NSUN7: variants seen among roughly 807,000 people sequenced by gnomAD.
NSUN7 encodes the protein NOP2/Sun RNA methyltransferase family member 7, also known as protein NSUN7.
A neutral mutation model predicts 58.5 loss-of-function variants in NSUN7; 39 were observed. That is an observed-to-expected ratio of 0.67 (90% CI 0.52 to 0.87). NSUN7 has a LOEUF of 0.87. Ranked by LOEUF, NSUN7 falls within the 40% of genes least tolerant of loss-of-function variation. The pLI, the probability that NSUN7 is intolerant of heterozygous loss-of-function variation, is 0.00. For missense variants in NSUN7, 765 were observed against 844.1 expected, an observed-to-expected ratio of 0.91 and a Z score of 1.16; for synonymous variants, 278 against 303.7, an observed-to-expected ratio of 0.92 and a Z score of 0.88.
At chr4:40,777,725 C>A (rs1247402323) in intron 7 of NSUN7, among the ~76,000 whole-genome samples, 1 of 152,176 alleles carries the variant, frequency 6.6e-6, no homozygotes, top group Non-Finnish European at 1.5e-5. Flanking sequence ...TAGAAGCAGA[C>A]CCACAGTGTA....
chr4:40,805,338 C>T (rs954851359), intron 10 of NSUN7, among the ~76,000 whole-genome samples: 7 of 152,126 alleles, frequency 4.6e-5, no homozygotes, highest in Admixed American at 6.5e-5. Context: ...CTGAGGTCCT[C>T]GTCTCCTTGC....
chr4:40,780,826 T>C (rs1742526088), intron 7 of NSUN7, among the ~76,000 whole-genome samples: 1 of 126,442 alleles, frequency 7.9e-6, no homozygotes, highest in Admixed American at 7.9e-5. Flanking sequence ...TTTTTTTTTT[T>C]TTTTTTTTTT....
chr4:40,756,864 T>C (rs964242191), intron 2 of NSUN7, among the ~76,000 whole-genome samples: 1 of 152,190 alleles, frequency 6.6e-6, no homozygotes, highest in African/African-American at 2.4e-5. Context: ...ACACATTCAG[T>C]AGAAACCATA....
intron 11 of NSUN7, 106 bp downstream of exon 11, chr4:40,807,290 C>A: frequency 2.0e-6 from 2 of 1,018,160 alleles, no homozygotes; most frequent in South Asian, 1.7e-5. Flanking sequence ...GATGTGTTTG[C>A]ATTTCACAAA....
Position 40,809,709 on chromosome 4 carries a change from T to C in NSUN7, c.*770T>C, listed in dbSNP as rs1334498848. Reference sequence around the variant, plus strand: ...ACTGTTGAATGCAAGCGATACCTATTGTTGAAGAAACCCACAAATTTCTGA... The same window carrying C: ...ACTGTTGAATGCAAGCGATACCTATCGTTGAAGAAACCCACAAATTTCTGA... On this transcript the variant is annotated 3_prime_UTR_variant, in exon 12 of 12. Coordinates refer to ENST00000381782, the MANE Select transcript of NSUN7 (RefSeq NM_024677.6). 1 of 145,686 alleles carries C rather than the reference T, an allele frequency of 6.9e-6. No individual in the cohort carries two copies. The highest frequency in any genetic ancestry group is 2.4e-5 in the African/African-American group (1 of 41,030). 9.0% of individuals were successfully genotyped at this position (145,686 alleles called of 1,614,324 possible).
At chr4:40,754,021 G>A (rs1208099830) in intron 2 of NSUN7, among the ~76,000 whole-genome samples, 2 of 152,052 alleles carry the variant, frequency 1.3e-5, no homozygotes, top group African/African-American at 4.8e-5. Flanking sequence ...TTTATCAGCA[G>A]CATAAAAATG....
rs561949096 is a variant in NSUN7, at chr4:40,809,471, T to C, written c.*532T>C. 2 of 152,322 alleles carry C rather than the reference T, an allele frequency of 1.3e-5. No individual in the cohort carries two copies. Among genetic ancestry groups the C allele is most frequent in the Non-Finnish European group, 2.9e-5 (2 of 68,050 alleles). 9.4% of individuals were successfully genotyped at this position (152,322 alleles called of 1,614,324 possible). ...TGAGTTTTTGTAACGTGACTGAAGT[T>C]GAGTTTAAGTAGGAAGCGCAGGAAG... On this transcript the variant is annotated 3_prime_UTR_variant, in exon 12 of 12. Transcript: ENST00000381782.
Position 40,790,722 on chromosome 4 carries a change from A to G in NSUN7, c.1157A>G (p.Glu386Gly). 6.3e-7 allele frequency: 1 copy of G among 1,582,136 alleles called. No homozygotes were observed. ...GGACTGGGTGTTAGTAATCCAGTAGAATTTATTTTAAATGAACATGAAGGT... is the reference window on the plus strand; with the variant it reads ...GGACTGGGTGTTAGTAATCCAGTAGGATTTATTTTAAATGAACATGAAGGT... Reference protein sequence around the residue: ...CSGLGVSNPVEFILNEHEDTE... With the variant: ...CSGLGVSNPVGFILNEHEDTE... The change falls in exon 8 of 12, where the codon GAA becomes GGA. Residue 386 changes from glutamate to glycine, a missense_variant. Transcript: ENST00000381782.
At chr4:40,786,024 A>G in intron 7 of NSUN7, 1 of 1,469,038 alleles carries the variant, frequency 6.8e-7, no homozygotes, top group Non-Finnish European at 9.1e-7. Context: ...ACAGTTAGTC[A>G]GTCTTATAGC....
rs1376438634 is a variant in NSUN7 at position 40,798,795 on chromosome 4, G to A, written c.1291G>A (p.Ala431Thr). ...QLTHAMKFTKAQAVVYCTCSV... is the reference protein window; with the variant it reads ...QLTHAMKFTKTQAVVYCTCSV... Reference sequence around the variant, plus strand: ...ATCTTCTTCTAATATAGTTACTAAAGCTCAAGCAGTTGTTTACTGCACATG... The same window carrying A: ...ATCTTCTTCTAATATAGTTACTAAAACTCAAGCAGTTGTTTACTGCACATG... The change falls in exon 10 of 12, where the codon GCT becomes ACT. Residue 431 changes from alanine (A) to threonine (T), a missense_variant. Ala to Thr is a moderately conservative substitution (Grantham distance 58). Coordinates refer to ENST00000381782, the MANE Select transcript of NSUN7 (RefSeq NM_024677.6). 4.4e-6 allele frequency: 7 copies of A among 1,594,290 alleles called. No individual in the cohort carries two copies. Among genetic ancestry groups the A allele is most frequent in the East Asian group, 2.2e-5 (1 of 44,584 alleles).
chr4:40,768,224 C>T (rs1203935509), intron 4 of NSUN7, among the ~76,000 whole-genome samples: 6 of 140,388 alleles, frequency 4.3e-5, no homozygotes, highest in South Asian at 2.2e-4. Context: ...TTTTTTGAGA[C>T]GGACTCTTGC....
At position 40,808,955 on chromosome 4, in the gene NSUN7, T is replaced by C. The variant is rs1480164084; in HGVS notation, c.*16T>C. 6.7e-7 allele frequency: 1 copy of C among 1,499,722 alleles called. No individual in the cohort carries two copies. The highest frequency in any genetic ancestry group is 8.9e-7 in the Non-Finnish European group (1 of 1,126,742). The allele number at this position is 1,499,722 out of a possible 1,614,324, so 92.9% of individuals were successfully genotyped here. On this transcript the variant is annotated 3_prime_UTR_variant, in exon 12 of 12. Transcript: ENST00000381782. ...ATGGCTTTGATTGTCTTGTGTTTTTTATAGGGGCCAAAGAGCAGTTGATTT... is the reference window on the plus strand; with the variant it reads ...ATGGCTTTGATTGTCTTGTGTTTTTCATAGGGGCCAAAGAGCAGTTGATTT...
At chr4:40,771,974 A>G (rs1742034761) in intron 4 of NSUN7, among the ~76,000 whole-genome samples, 1 of 151,940 alleles carries the variant, frequency 6.6e-6, no homozygotes. Flanking sequence ...TAACCACAAG[A>G]TAGCATACTT....
At chr4:40,757,674 G>A (rs968877354) in intron 2 of NSUN7, among the ~76,000 whole-genome samples, 6 of 143,714 alleles carry the variant, frequency 4.2e-5, no homozygotes, top group African/African-American at 1.6e-4. Context: ...TACATTGTGT[G>A]TATATATATA....
chr4:40,760,814 A>G (rs1052180493), intron 3 of NSUN7, among the ~76,000 whole-genome samples: 9 of 147,154 alleles, frequency 6.1e-5, no homozygotes, highest in Non-Finnish European at 1.0e-4. Context: ...AGTGAGCTAG[A>G]TTGCGCCATT....
chr4:40,783,765 T>C (rs1476803022), intron 7 of NSUN7, among the ~76,000 whole-genome samples: 1 of 151,872 alleles, frequency 6.6e-6, no homozygotes, highest in Non-Finnish European at 1.5e-5. Context: ...GGAGAATCAC[T>C]TGGACCCAGA....
intron 7 of NSUN7, among the ~76,000 whole-genome samples, chr4:40,777,307 C>T (rs1742315699): frequency 6.6e-6 from 1 of 152,062 alleles, no homozygotes; most frequent in African/African-American, 2.4e-5. Context: ...TTCTAATTAT[C>T]TTCTAATTTT....
chr4:40,786,380 C>G, intron 7 of NSUN7: 1 of 1,611,984 alleles, frequency 6.2e-7, no homozygotes, highest in Admixed American at 1.7e-5. Context: ...AAGTCATATA[C>G]CAGATGCACA....
chr4:40,758,654 A>G (rs371550658), intron 2 of NSUN7, among the ~76,000 whole-genome samples: 2 of 152,086 alleles, frequency 1.3e-5, no homozygotes, highest in South Asian at 4.1e-4. Context: ...GCAAAAACCC[A>G]TCTCTACAAA....
Sources: allele counts gnomAD v4.1 joint callset (sites outside exome capture counted in the v4.1 genomes callset), GRCh38; gene constraint gnomAD v4.1.1; transcripts MANE v1.5; gene names NCBI Gene and HGNC (gene_info 2026-07-23, HGNC 2026-07-21).